The following STAU1 variants were observed in gnomAD, a reference collection of about 807,000 sequenced individuals.
STAU1 encodes the protein double-stranded RNA-binding protein Staufen homolog 1.
Under a neutral mutation model 62.9 loss-of-function variants are expected in STAU1, and 13 were observed. That is an observed-to-expected ratio of 0.21 (90% CI 0.13 to 0.33). The LOEUF is 0.33. STAU1 is among the 10% of genes least tolerant of loss of function. STAU1 has a pLI of 1.00. For missense variants in STAU1, 571 were observed against 712.1 expected (o/e 0.80, Z 2.25); for synonymous variants, 269 against 265.1 (o/e 1.01, Z -0.14).
At chr20:49,202,230 A>AAAGAAAG in the STAU1 span, among the ~76,000 whole-genome samples, 14 of 130,392 alleles carry the variant, frequency 1.1e-4, no homozygotes, top group African/African-American at 3.2e-4. Context: ...AAAAAAAAAA[A>AAAGAAAG]AAAGAAAGAA....
Position 49,113,817 on chromosome 20 carries a change from A to G in STAU1, c.*1061T>C, listed in dbSNP as rs961553713. ...CACTCTGCAGGTTTATATGGACTAC[A>G]TGGAGATCATATCCTGTAGTGTAGT... is the stretch of plus-strand genomic sequence containing the variant. On this transcript the variant is annotated 3_prime_UTR_variant, in exon 14 of 14. Transcript: ENST00000371856. The G allele has an allele frequency of 1.3e-5, 2 of 152,650 alleles. No individual in the cohort carries two copies. Among genetic ancestry groups the G allele is most frequent in the African/African-American group, 4.8e-5 (2 of 41,452 alleles). The allele number at this position is 152,650 out of a possible 1,614,324, so 9.5% of individuals were successfully genotyped here.
intron 3 of STAU1, among the ~76,000 whole-genome samples, chr20:49,162,231 C>A (rs73268160): frequency 6.6e-6 from 1 of 152,070 alleles, no homozygotes; most frequent in South Asian, 2.1e-4. Flanking sequence ...TGTTGGTGGG[C>A]AGGAGTTTTA....
At chr20:49,182,982 G>A (rs542008632) in intron 1 of STAU1, among the ~76,000 whole-genome samples, 1 of 152,250 alleles carries the variant, frequency 6.6e-6, no homozygotes, top group South Asian at 2.1e-4. Flanking sequence ...ATAAAATGGT[G>A]GGGGTAAATA....
At chr20:49,178,497 C>G (rs1600872969) in intron 1 of STAU1, among the ~76,000 whole-genome samples, 1 of 152,162 alleles carries the variant, frequency 6.6e-6, no homozygotes, top group East Asian at 1.9e-4. Context: ...ACCTGTAATC[C>G]CAACACTTTG....
rs3092547 is a variant in STAU1 at position 49,152,340 on chromosome 20, CT to C, written c.345-594del. Among the ~76,000 whole-genome samples the C allele has an allele frequency of 7.8e-3, 816 of 104,556 alleles. 12 individuals carry two copies. The highest frequency in any genetic ancestry group is 0.026 in the African/African-American group (710 of 27,172). The allele number at this position is 104,556 out of a possible 152,430, so 68.6% of individuals were successfully genotyped here. On this transcript the variant is annotated intron_variant, in intron 4 of 13. Coordinates refer to ENST00000371856, the MANE Select transcript of STAU1 (RefSeq NM_017453.4). ...TTGCTCATCATCTATCCACTAATGT[CT>C]TTTTTTTTTTTTTTTTTTTGTGAGA...
chr20:49,118,172 C>G (rs1000440397), intron 10 of STAU1, 76 bp from the exon 11 acceptor site: 1 of 1,476,404 alleles, frequency 6.8e-7, no homozygotes, highest in Non-Finnish European at 9.4e-7. Context: ...TCAAACCCCA[C>G]GCTGGCCCTC....
chr20:49,122,034 A>G (rs1390865914), intron 8 of STAU1, among the ~76,000 whole-genome samples: 1 of 152,238 alleles, frequency 6.6e-6, no homozygotes, highest in Non-Finnish European at 1.5e-5. Context: ...CTTTTGTGGA[A>G]TGAAAGGATC....
Position 49,117,308 on chromosome 20 carries a change from G to C in STAU1, c.1510-60C>G. The C allele has an allele frequency of 2.5e-6, 4 of 1,590,374 alleles. No homozygotes were observed. The highest frequency in any genetic ancestry group is 2.6e-6 in the Non-Finnish European group (3 of 1,164,144). On this transcript the variant is annotated intron_variant, in intron 11 of 13. Transcript: ENST00000371856. The surrounding 1 kb of genome is among the most constrained non-coding windows in gnomAD (Gnocchi z 4.6). Reference sequence around the variant, plus strand: ...AACAGCAAGTATGAGTGGGCTGGAGGGCTGCAGCTCCAGGCCCCACAAGCA... The same window carrying C: ...AACAGCAAGTATGAGTGGGCTGGAGCGCTGCAGCTCCAGGCCCCACAAGCA...
Position 49,166,167 on chromosome 20 carries a change from G to C in STAU1, c.35C>G (p.Ser12Cys). ...TATTTGGCTCCCTGAGAGAGCAGCA[G>C]ATGGGTTCTGAACTTGCACTTGAAC... is the stretch of plus-strand genomic sequence containing the variant. ...SQVQVQVQNP[S>C]AALSGSQILN... Residue 12 changes from serine (S) to cysteine (C), a missense_variant, in exon 3 of 14, where the codon TCT becomes TGT. Ser to Cys is a moderately radical substitution (Grantham distance 112). Transcript: ENST00000371856. 2 of 1,614,202 alleles carry C rather than the reference G, an allele frequency of 1.2e-6. No homozygotes were observed. The highest frequency in any genetic ancestry group is 1.3e-5 in the African/African-American group (1 of 75,058).
chr20:49,170,735 A>G (rs1042319610), intron 2 of STAU1, among the ~76,000 whole-genome samples: 3 of 152,038 alleles, frequency 2.0e-5, no homozygotes, highest in South Asian at 2.1e-4. Context: ...TTTAATCAAC[A>G]TATCAGTCTC....
At chr20:49,138,202 G>C (rs2092931949) in intron 5 of STAU1, among the ~76,000 whole-genome samples, 1 of 152,096 alleles carries the variant, frequency 6.6e-6, no homozygotes, top group Non-Finnish European at 1.5e-5. Flanking sequence ...AGGATCACCT[G>C]AGCCTAGGGT....
At chr20:49,164,794 G>GA (rs574341987) in intron 3 of STAU1, among the ~76,000 whole-genome samples, 2 of 150,742 alleles carry the variant, frequency 1.3e-5, no homozygotes, top group African/African-American at 2.4e-5. Flanking sequence ...GGAAAGAAGA[G>GA]AAAAAAAACT....
intron 1 of STAU1, among the ~76,000 whole-genome samples, chr20:49,186,382 A>C (rs977138284): frequency 6.6e-6 from 1 of 152,140 alleles, no homozygotes; most frequent in Non-Finnish European, 1.5e-5. Context: ...TTTAAATTAC[A>C]AACAATGGTA....
chr20:49,190,456 T>A (rs886310895), upstream of STAU1, among the ~76,000 whole-genome samples: 1 of 152,146 alleles, frequency 6.6e-6, no homozygotes, highest in Non-Finnish European at 1.5e-5. Flanking sequence ...GCTAATTTTT[T>A]AATTTTTTAT....
rs1410627475 is a variant in STAU1, at chr20:49,134,431, AG to A, written c.609+1401del. 2.1e-4 allele frequency: 106 copies of A among 494,934 alleles called. 7 individuals are homozygous for A. The highest frequency in any genetic ancestry group is 1.8e-3 in the African/African-American group (61 of 34,566). 30.7% of individuals were successfully genotyped at this position (494,934 alleles called of 1,614,324 possible). On this transcript the variant is annotated intron_variant, in intron 6 of 13. Transcript: ENST00000371856. ...GGGCGACAAGAGTGAAACTCATCTC[AG>A]GGAAAAAAAAAAAAAAAGCTCTGGG...
chr20:49,123,155 C>A lies in STAU1; in HGVS notation c.903G>T (p.Lys301Asn). ...CTGTGAGGAGCGTGTACTCTGGCTC[C>A]TTCTCCTTTTTTGCCTGCTGGATCT... ...LAQIQQAKKE[K>N]EPEYTLLTER... Residue 301 changes from lysine to asparagine, a missense_variant, in exon 8 of 14, where the codon AAG (lysine) becomes AAT (asparagine). This residue lies in a region of STAU1 where 414 missense variants were observed against 499.6 expected (regional missense o/e 0.83). Coordinates refer to ENST00000371856, the MANE Select transcript of STAU1 (RefSeq NM_017453.4). 1 of 1,614,124 alleles carries A rather than the reference C, an allele frequency of 6.2e-7. No homozygotes were observed. The highest frequency in any genetic ancestry group is 1.3e-5 in the African/African-American group (1 of 75,040).
rs1453857849 is a variant in STAU1 at position 49,116,823 on chromosome 20, G to A, written c.1632+303C>T. Among the ~76,000 whole-genome samples the A allele has an allele frequency of 2.0e-5, 3 of 152,174 alleles. No homozygotes were observed. In the South Asian group the frequency reaches 6.2e-4, roughly 32 times the overall value. On this transcript the variant is annotated intron_variant, in intron 12 of 13. Coordinates refer to ENST00000371856, the MANE Select transcript of STAU1 (RefSeq NM_017453.4). ...TGGACCTGCAATTCCTTGTTCTGGT[G>A]AGAGATGAAGTGAGTGCAGTCTCTG... is the stretch of plus-strand genomic sequence containing the variant.
At chr20:49,137,771 T>G (rs957692837) in intron 5 of STAU1, among the ~76,000 whole-genome samples, 1 of 151,916 alleles carries the variant, frequency 6.6e-6, no homozygotes, top group Non-Finnish European at 1.5e-5. Context: ...GTTCAAGCGA[T>G]TCTCCTGCCT....
chr20:49,196,005 G>A, the STAU1 span, among the ~76,000 whole-genome samples: 77 of 150,164 alleles, frequency 5.1e-4, no homozygotes, highest in African/African-American at 1.7e-3. Context: ...TTGGGAGGCC[G>A]AGGCGGGTGG....
Sources: allele counts gnomAD v4.1 joint callset (sites outside exome capture counted in the v4.1 genomes callset), GRCh38; gene constraint gnomAD v4.1.1; regional missense constraint gnomAD v4.1.1; non-coding constraint Gnocchi (gnomAD v3.1); transcripts MANE v1.5; gene names NCBI Gene and HGNC (gene_info 2026-07-23, HGNC 2026-07-21).